CES2: variants seen among roughly 807,000 people sequenced by gnomAD.
CES2 encodes cocaine esterase.
A neutral mutation model predicts 52.1 loss-of-function variants in CES2; 42 were observed. The observed-to-expected ratio is 0.81, with a 90% CI of 0.63 to 1.04. The LOEUF (loss-of-function observed/expected upper bound fraction) is 1.04. Among genes scored for constraint, CES2 ranks in the 50% least tolerant of loss-of-function variants. CES2 has a pLI of 0.00. For missense variants in CES2, 656 were observed against 724.3 expected, an observed-to-expected ratio of 0.91 and a Z score of 1.08; for synonymous variants, 277 against 289.6, an observed-to-expected ratio of 0.96 and a Z score of 0.44.
In CES2 at chr16:66,943,388, CT is replaced by C; in HGVS notation, c.1493+18del. On this transcript the variant is annotated intron_variant, in intron 11 of 11. Coordinates refer to ENST00000317091, the MANE Select transcript of CES2 (RefSeq NM_001365405.1). This position sits in a 1 kb window ranked among gnomAD's most constrained non-coding sequence, Gnocchi z 4.2. ...GAGAAATGGGTGAGACAGCACACCC[CT>C]GCCTCAACCTCCCCGATTGGGGGAC... 6.2e-7 allele frequency: 1 copy of C among 1,613,816 alleles called. No homozygotes were observed.
chr16:66,934,501 G>A (rs948943550), upstream of CES2: 3 of 1,317,740 alleles, frequency 2.3e-6, no homozygotes, highest in Non-Finnish European at 3.0e-6. The surrounding 1 kb of genome is among the most constrained non-coding windows in gnomAD (Gnocchi z 4.1). Flanking sequence ...CTCGGCCTGA[G>A]GTGCGAGAGA....
intron 1 of CES2, 192 bp downstream of exon 1, chr16:66,935,903 C>A: frequency 6.9e-7 from 1 of 1,459,706 alleles, no homozygotes; most frequent in African/African-American, 1.4e-5. Context: ...CAGAAAGGGT[C>A]GGGCTGGGGG....
intron 9 of CES2, 30 bp downstream of exon 9, chr16:66,942,279 G>A: frequency 6.3e-7 from 1 of 1,584,964 alleles, no homozygotes; most frequent in African/African-American, 1.3e-5. Context: ...AGCCTGGCGG[G>A]CAGGGTACAG....
intron 2 of CES2, 59 bp from the exon 3 acceptor site, chr16:66,939,158 C>G: frequency 6.5e-7 from 1 of 1,539,536 alleles, no homozygotes; most frequent in East Asian, 2.3e-5. Context: ...CCTCTGAACC[C>G]AGGGTCTGGT....
At chr16:66,941,016 G>A (rs567743440) in intron 5 of CES2, 108 bp from the exon 6 acceptor site, 69 of 1,486,434 alleles carry the variant, frequency 4.6e-5, no homozygotes, top group African/African-American at 5.6e-5. Flanking sequence ...GAACTCATAC[G>A]AAGTACCCTC....
upstream of CES2, chr16:66,935,054 A>C (rs1302318240): frequency 1.5e-5 from 3 of 195,116 alleles, no homozygotes; most frequent in Non-Finnish European, 3.2e-5. Flanking sequence ...TAAGGAGATG[A>C]GGGGCCGTGA....
rs566356963 is a variant in CES2 at position 66,935,669 on chromosome 16, G to A, written c.34G>A (p.Ala12Thr). 1.8e-5 allele frequency: 29 copies of A among 1,602,572 alleles called. No individual in the cohort carries two copies. The highest frequency in any genetic ancestry group is 6.7e-5 in the African/African-American group (5 of 75,052). ...GCACAGACTTCGTGCGCGGCTGAGC[G>A]CGGTGGCCTGTGGGCTTCTGCTGCT... ...RLHRLRARLS[A>T]VACGLLLLLV... Residue 12 changes from alanine (A) to threonine (T), a missense_variant, in exon 1 of 12, where the codon GCG (alanine) becomes ACG (threonine). Physicochemically the swap from Ala to Thr is moderately conservative, Grantham distance 58. Transcript: ENST00000317091.
rs375639497 is a variant in CES2, at chr16:66,935,670, C to T, written c.35C>T (p.Ala12Val). ...RLHRLRARLS[A>V]VACGLLLLLV... Reference sequence around the variant, plus strand: ...CACAGACTTCGTGCGCGGCTGAGCGCGGTGGCCTGTGGGCTTCTGCTGCTT... The same window carrying T: ...CACAGACTTCGTGCGCGGCTGAGCGTGGTGGCCTGTGGGCTTCTGCTGCTT... Residue 12 changes from alanine to valine, a missense_variant, in exon 1 of 12, where the codon GCG (alanine) becomes GTG (valine). Physicochemically the swap from Ala to Val is moderately conservative, Grantham distance 64. Transcript: ENST00000317091. 39 of 1,602,416 alleles carry T rather than the reference C, an allele frequency of 2.4e-5. No homozygotes were observed. The highest frequency in any genetic ancestry group is 3.2e-5 in the Non-Finnish European group (38 of 1,179,858).
intron 1 of CES2, among the ~76,000 whole-genome samples, chr16:66,937,567 T>C (rs1271595250): frequency 6.6e-6 from 1 of 152,226 alleles, no homozygotes; most frequent in Non-Finnish European, 1.5e-5. Context: ...GTCACTGTGC[T>C]TTTTATATCC....
At position 66,941,163 on chromosome 16, in the gene CES2, G is replaced by T; in HGVS notation, c.856G>T (p.Glu286Ter). The T allele has an allele frequency of 1.2e-6, 2 of 1,614,176 alleles. No individual in the cohort carries two copies. Among genetic ancestry groups the T allele is most frequent in the Non-Finnish European group, 1.7e-6 (2 of 1,180,026 alleles). The change falls in exon 6 of 12, where the codon GAG becomes TAG. Residue 286 changes from glutamate (E) to a stop codon, truncating the protein, a stop_gained. Coordinates refer to ENST00000317091, the MANE Select transcript of CES2 (RefSeq NM_001365405.1). LOFTEE classifies it high-confidence loss of function. Reference protein sequence around the residue: ...NLSACDQVDSEALVGCLRGKS... With the variant: ...NLSACDQVDS ...GTCTGCCTGTGACCAAGTTGACTCT[G>T]AGGCCCTGGTGGGCTGCCTGCGGGG...
chr16:66,944,120 C>G lies in CES2; in HGVS notation c.*95C>G. On this transcript the variant is annotated 3_prime_UTR_variant, in exon 12 of 12. Transcript: ENST00000317091. ...CCCACTAAGGAGAAAGAAGTTGATT[C>G]CTTCATTCACTTCGCCATTCATTCA... 3.5e-6 allele frequency: 2 copies of G among 566,874 alleles called. No individual in the cohort carries two copies. The highest frequency in any genetic ancestry group is 5.9e-6 in the Non-Finnish European group (2 of 338,402). 35.1% of individuals were successfully genotyped at this position (566,874 alleles called of 1,614,324 possible).
chr16:66,941,968 G>A, intron 8 of CES2, 120 bp downstream of exon 8: 4 of 1,531,390 alleles, frequency 2.6e-6, no homozygotes, highest in South Asian at 2.4e-5. Flanking sequence ...AGGCCTGGGT[G>A]TGTGTGTTTA....
rs763226189 is a variant in CES2 at position 66,938,134 on chromosome 16, C to G, written c.174C>G (p.Phe58Leu). The G allele has an allele frequency of 1.2e-6, 2 of 1,614,158 alleles. No homozygotes were observed. The highest frequency in any genetic ancestry group is 2.7e-5 in the African/African-American group (2 of 75,036). The stretch of plus-strand genomic sequence containing the variant: ...GCGCCAATGCCGGGGTCCAAACCTT[C>G]CTGGGAATTCCATTTGCCAAGCCAC... ...VKGANAGVQT[F>L]LGIPFAKPPL... is the part of the protein sequence containing the mutation. Residue 58 changes from phenylalanine to leucine, a missense_variant, in exon 2 of 12, where the codon TTC (phenylalanine) becomes TTG (leucine). Physicochemically the swap from Phe to Leu is conservative, Grantham distance 22 (BLOSUM62 0). Transcript: ENST00000317091.
chr16:66,938,961 T>G (rs1354092650), intron 2 of CES2, among the ~76,000 whole-genome samples: 1 of 151,702 alleles, frequency 6.6e-6, no homozygotes, highest in Non-Finnish European at 1.5e-5. Flanking sequence ...CCCCTAAGAG[T>G]CAAGGTTTCC....
In CES2 at chr16:66,942,801, T is replaced by G. The variant is rs745374391; in HGVS notation, c.1420+16T>G. The G allele has an allele frequency of 1.9e-6, 3 of 1,613,956 alleles. No homozygotes were observed. The South Asian group carries it at 3.3e-5, about 18-fold the overall frequency. ...GGCAACTACAGTGAGTCTTCTTCCT[T>G]TCCCGGGAGGTGGGCTGGGATTCTG... On this transcript the variant is annotated intron_variant, in intron 10 of 11. Coordinates refer to ENST00000317091, the MANE Select transcript of CES2 (RefSeq NM_001365405.1).
rs139982342 is a variant in CES2, at chr16:66,942,654, G to T, written c.1289G>T (p.Arg430Leu). Residue 430 changes from arginine to leucine, a missense_variant, in exon 10 of 12, where the codon CGG becomes CTG. By Grantham distance (102) the Arg-to-Leu change is moderately radical (BLOSUM62 -2). Coordinates refer to ENST00000317091, the MANE Select transcript of CES2 (RefSeq NM_001365405.1). ...ALQVAHFQCS[R>L]APVYFYEFQH... ...TGGGCTGTCCACCCCACAGGTTCCC[G>T]GGCCCCTGTGTACTTCTACGAGTTC... 1 of 1,614,150 alleles carries T rather than the reference G, an allele frequency of 6.2e-7. No homozygotes were observed. Among genetic ancestry groups the T allele is most frequent in the South Asian group, 1.1e-5 (1 of 91,078 alleles).
At chr16:66,939,469 C>T in intron 3 of CES2, 111 bp downstream of exon 3, 2 of 1,181,618 alleles carry the variant, frequency 1.7e-6, no homozygotes, top group South Asian at 2.7e-5. Context: ...TGCTGAGAAG[C>T]TTCTCACTGT....
intron 1 of CES2, chr16:66,936,017 T>TG: frequency 7.5e-7 from 1 of 1,331,740 alleles, no homozygotes; most frequent in Non-Finnish European, 9.7e-7. Context: ...GATTGGGGTG[T>TG]GGGGATTCAG....
intron 6 of CES2, 54 bp from the exon 7 acceptor site, chr16:66,941,452 A>G (rs1041621926): frequency 3.0e-5 from 48 of 1,599,152 alleles, no homozygotes; most frequent in Middle Eastern, 3.5e-4. Context: ...CTCAGAGGGC[A>G]TCGGAAGATG....
Sources: allele counts gnomAD v4.1 joint callset (sites outside exome capture counted in the v4.1 genomes callset), GRCh38; gene constraint gnomAD v4.1.1; non-coding constraint Gnocchi (gnomAD v3.1); transcripts MANE v1.5; gene names NCBI Gene and HGNC (gene_info 2026-07-23, HGNC 2026-07-21).